The following ZC3H12B variants were observed in gnomAD, a reference collection of about 807,000 sequenced individuals.
ZC3H12B encodes probable ribonuclease ZC3H12B.
In ZC3H12B, 7 loss-of-function variants were observed where a neutral mutation model predicts 43.9. That is an observed-to-expected ratio of 0.16 (90% CI 0.09 to 0.30). The LOEUF (loss-of-function observed/expected upper bound fraction) is 0.30. Ranked by LOEUF, ZC3H12B falls within the 10% of genes least tolerant of loss-of-function variation. The probability of loss-of-function intolerance (pLI) is 1.00; values close to 1 mark genes in which losing one functional copy is unlikely to be tolerated. For missense variants in ZC3H12B, 475 were observed against 670.2 expected (o/e 0.71, Z 3.22); for synonymous variants, 222 against 241.7 (o/e 0.92, Z 0.76).
intron 3 of ZC3H12B, among the ~76,000 whole-genome samples, chrX:65,461,636 T>C (rs2067749331): frequency 9.0e-6 from 1 of 111,325 alleles, no homozygotes; most frequent in Non-Finnish European, 1.9e-5. Flanking sequence ...CTCACTCATA[T>C]GTGGGAATTG....
chrX:65,056,096 C>T, the ZC3H12B span, among the ~76,000 whole-genome samples: 1 of 111,930 alleles, frequency 8.9e-6, no homozygotes, highest in African/African-American at 3.2e-5. Flanking sequence ...TCCTACATTT[C>T]TACTCTGATC....
chrX:65,128,471 G>A, the ZC3H12B span, among the ~76,000 whole-genome samples: 2 of 111,670 alleles, frequency 1.8e-5, no homozygotes, highest in South Asian at 7.5e-4. Flanking sequence ...TTTTGTTTGT[G>A]GTCCAGATAT....
chrX:65,419,102 G>C (rs2066990749), intron 3 of ZC3H12B, among the ~76,000 whole-genome samples: 1 of 110,548 alleles, frequency 9.0e-6, no homozygotes, highest in African/African-American at 3.3e-5. Context: ...GTGGGCCCGT[G>C]GGTCCCCAAA....
intron 2 of ZC3H12B, among the ~76,000 whole-genome samples, chrX:65,375,294 C>A (rs1175527102): frequency 8.9e-6 from 1 of 111,940 alleles, no homozygotes; most frequent in Non-Finnish European, 1.9e-5. Flanking sequence ...TCCATCCCAG[C>A]AGTTGGAATT....
exon 5 of ZC3H12B, chrX:65,506,092 G>C (rs2068422352): frequency 8.9e-6 from 1 of 112,258 alleles, no homozygotes; most frequent in African/African-American, 3.2e-5. Flanking sequence ...GTAGCTCAGG[G>C]GTTGTGAGGG....
chrX:65,392,259 C>A (rs1248917765), intron 2 of ZC3H12B, among the ~76,000 whole-genome samples: 1 of 111,340 alleles, frequency 9.0e-6, no homozygotes. Context: ...CTCTGCCTGG[C>A]TGCCCAGTCT....
the ZC3H12B span, among the ~76,000 whole-genome samples, chrX:65,232,271 C>T: frequency 1.8e-5 from 2 of 110,398 alleles, no homozygotes; most frequent in African/African-American, 6.6e-5. Context: ...TAACGTAGGA[C>T]AGGTGTGAGA....
intron 3 of ZC3H12B, among the ~76,000 whole-genome samples, chrX:65,435,655 T>TAGATAGATAGATAGAC (rs2067211635): frequency 9.6e-6 from 1 of 104,273 alleles, no homozygotes; most frequent in African/African-American, 3.5e-5. Flanking sequence ...GATAGATAGA[T>TAGATAGATAGATAGAC]AGATAGATAG....
the ZC3H12B span, among the ~76,000 whole-genome samples, chrX:65,147,073 T>G: frequency 8.9e-6 from 1 of 112,465 alleles, no homozygotes; most frequent in East Asian, 2.8e-4. Context: ...TTTTTATGTA[T>G]TTGTAAACTT....
the ZC3H12B span, among the ~76,000 whole-genome samples, chrX:65,068,429 T>C: frequency 9.0e-6 from 1 of 111,328 alleles, no homozygotes; most frequent in Non-Finnish European, 1.9e-5. Context: ...TATTGTCTTA[T>C]AATTCATTAT....
chrX:65,407,185 G>A (rs2066839881), intron 3 of ZC3H12B, among the ~76,000 whole-genome samples: 1 of 113,042 alleles, frequency 8.8e-6, no homozygotes, highest in African/African-American at 3.2e-5. Flanking sequence ...GAGGAAGAAG[G>A]GGCTCGGAAG....
chrX:65,176,258 TAAAG>T, the ZC3H12B span, among the ~76,000 whole-genome samples: 2 of 110,593 alleles, frequency 1.8e-5, no homozygotes, highest in Non-Finnish European at 3.8e-5. Flanking sequence ...CCTCACAGTG[TAAAG>T]AAAGCCACCA....
chrX:65,240,755 G>A, the ZC3H12B span, among the ~76,000 whole-genome samples: 1 of 112,105 alleles, frequency 8.9e-6, no homozygotes, highest in Non-Finnish European at 1.9e-5. Context: ...GATATTTGTA[G>A]CGGTTTTTGT....
chrX:65,160,269 G>A, the ZC3H12B span, among the ~76,000 whole-genome samples: 1 of 111,783 alleles, frequency 8.9e-6, no homozygotes, highest in East Asian at 2.8e-4. Flanking sequence ...GGATGATGCT[G>A]GCCTCATAAA....
At chrX:65,385,767 C>T (rs1165881231) in intron 2 of ZC3H12B, among the ~76,000 whole-genome samples, 5 of 111,801 alleles carry the variant, frequency 4.5e-5, no homozygotes, top group Non-Finnish European at 9.4e-5. Context: ...TTCAGTATGA[C>T]ATTGGCTGTC....
intron 3 of ZC3H12B, among the ~76,000 whole-genome samples, chrX:65,429,277 G>C (rs1178380724): frequency 8.9e-6 from 1 of 112,696 alleles, no homozygotes; most frequent in Non-Finnish European, 1.9e-5. Context: ...CTTTTGGGTA[G>C]AGCAGGCATG....
the ZC3H12B span, among the ~76,000 whole-genome samples, chrX:65,140,905 G>T: frequency 1.5e-4 from 17 of 111,355 alleles, no homozygotes; most frequent in Non-Finnish European, 2.5e-4. Flanking sequence ...TTATCATATT[G>T]TTTGCAATGT....
chrX:65,213,170 C>A, the ZC3H12B span, among the ~76,000 whole-genome samples: 21 of 108,994 alleles, frequency 1.9e-4, no homozygotes, highest in Non-Finnish European at 3.4e-4. Flanking sequence ...TATTATATAT[C>A]TAATTGTTGC....
Position 65,428,794 on chromosome X carries a change from C to T in ZC3H12B, n.407+30090C>T, listed in dbSNP as rs2067114966. On this transcript the variant is annotated intron_variant and non_coding_transcript_variant, in intron 3 of 5. Transcript: ENST00000617377. ...AGCCTCAGCCCAGTTCTGAGCTCTT[C>T]CTGGAGAGGTCATTTGGAGGAGAAG... Among the ~76,000 whole-genome samples the T allele has an allele frequency of 3.6e-5, 4 of 112,291 alleles. No individual in the cohort carries two copies. The Admixed American group carries it at 3.8e-4, about 11-fold the overall frequency.
Sources: allele counts gnomAD v4.1 joint callset (sites outside exome capture counted in the v4.1 genomes callset), GRCh38; gene constraint gnomAD v4.1.1; transcripts MANE v1.5; gene names NCBI Gene and HGNC (gene_info 2026-07-23, HGNC 2026-07-21).